The following SVOP variants were observed in gnomAD, a reference collection of about 807,000 sequenced individuals.
SVOP encodes the protein SV2 related protein, also known as synaptic vesicle 2-related protein.
A neutral mutation model predicts 69.1 loss-of-function variants in SVOP; 17 were observed. The ratio of observed to expected loss-of-function variants is 0.25; its 90% CI spans 0.17 to 0.37. The LOEUF (loss-of-function observed/expected upper bound fraction) is 0.37. SVOP is among the 10% of genes least tolerant of loss of function. SVOP has a pLI of 1.00. For missense variants in SVOP, 435 were observed against 597.5 expected (o/e 0.73, Z 2.84); for synonymous variants, 238 against 238.6 (o/e 1.00, Z 0.02).
chr12:108,912,850 TA>T, intron 15 of SVOP, 109 bp from the exon 16 acceptor site: 2 of 1,146,278 alleles, frequency 1.7e-6, no homozygotes, highest in Non-Finnish European at 1.2e-6. Flanking sequence ...ATCTGCTTGC[TA>T]AAAAGGATCT....
intron 1 of SVOP, among the ~76,000 whole-genome samples, chr12:109,010,031 G>C (rs2040331795): frequency 6.6e-6 from 1 of 151,022 alleles, no homozygotes; most frequent in South Asian, 2.1e-4. Context: ...GTTGAGGCGG[G>C]AGGATTGCTA....
In SVOP at chr12:108,986,455, C is replaced by T. The variant is rs138099067; in HGVS notation, c.36-2694G>A. 2.2e-3 allele frequency among the ~76,000 whole-genome samples: 337 copies of T among 152,280 alleles called. 1 individual carries two copies. The highest frequency in any genetic ancestry group is 7.7e-3 in the African/African-American group (321 of 41,552). Reference sequence around the variant, plus strand: ...GAGATATTTCAAGCATATAAAATTACATACATAACAATGAGAGAAATATCT... The same window carrying T: ...GAGATATTTCAAGCATATAAAATTATATACATAACAATGAGAGAAATATCT... On this transcript the variant is annotated intron_variant, in intron 1 of 15. Coordinates refer to ENST00000610966, the MANE Select transcript of SVOP (RefSeq NM_018711.5).
intron 11 of SVOP, among the ~76,000 whole-genome samples, chr12:108,930,569 G>A (rs1566049829): frequency 6.6e-6 from 1 of 151,828 alleles, no homozygotes; most frequent in Admixed American, 6.6e-5. Context: ...TGAGTAGCTG[G>A]GATTATAGGC....
chr12:108,963,457 T>C (rs74204112), intron 5 of SVOP, among the ~76,000 whole-genome samples: 85,057 of 152,066 alleles, frequency 0.56, 26,527 homozygotes, highest in East Asian at 0.72. Context: ...GAGGTGCCAG[T>C]CTGTCTTTAA....
intron 5 of SVOP, among the ~76,000 whole-genome samples, chr12:108,965,041 T>C: frequency 6.6e-6 from 1 of 152,214 alleles, no homozygotes. Flanking sequence ...CTGATATATA[T>C]TATTCATCCA....
rs78563087 is a variant in SVOP, at chr12:108,915,172, C to CA, written c.1440+610dup. Reference sequence around the variant, plus strand: ...TGGGTGACAAAGCGAGACTCCATCCCAAAAAAAAAAAAAAAAAATCAACTT... The same window carrying CA: ...TGGGTGACAAAGCGAGACTCCATCCCAAAAAAAAAAAAAAAAAAATCAACTT... On this transcript the variant is annotated intron_variant, in intron 15 of 15. Coordinates refer to ENST00000610966, the MANE Select transcript of SVOP (RefSeq NM_018711.5). Among the ~76,000 whole-genome samples the CA allele has an allele frequency of 3.6e-3, 412 of 113,902 alleles. 1 individual carries two copies. Among genetic ancestry groups the CA allele is most frequent in the African/African-American group, 7.9e-3 (218 of 27,588 alleles). 74.7% of individuals were successfully genotyped at this position (113,902 alleles called of 152,430 possible). A position where few individuals can be genotyped will look rare whatever the true frequency, so the allele number is the denominator to read the frequency against.
Position 108,918,095 on chromosome 12 carries a change from G to T in SVOP, c.1298C>A (p.Ala433Glu). 6.3e-7 allele frequency: 1 copy of T among 1,578,066 alleles called. No individual in the cohort carries two copies. The stretch of plus-strand genomic sequence containing the variant: ...AAAGCCTCCAGAAATAAACGCTCTT[G>T]CAATGAAGAGTAACAGAGTGAGCAC... ...RNVLTLLLFI[A>E]RAFISGGFQA... Residue 433 changes from alanine to glutamate, a missense_variant, in exon 14 of 16, where the codon GCA becomes GAA. Transcript: ENST00000610966.
chr12:108,989,861 A>G (rs558604099), intron 1 of SVOP, among the ~76,000 whole-genome samples: 1 of 152,384 alleles, frequency 6.6e-6, no homozygotes, highest in South Asian at 2.1e-4. Context: ...CTTGGATAAT[A>G]GCCCTCAAAC....
At chr12:108,938,699 G>A (rs1001408337) in intron 9 of SVOP, 128 bp downstream of exon 9, 8 of 1,469,032 alleles carry the variant, frequency 5.4e-6, no homozygotes, top group African/African-American at 1.4e-5. Flanking sequence ...CCATGTGCAC[G>A]CACACACCCC....
rs986865214 is a variant in SVOP at position 108,909,439 on chromosome 12, C to T, written c.*3096G>A. ...GCTGAGGAGGGAGAATCGCTTGAAC[C>T]TGGGAGACAGAGTTGCAGTGAGCTG... is the stretch of plus-strand genomic sequence containing the variant. On this transcript the variant is annotated 3_prime_UTR_variant, in exon 16 of 16. Coordinates refer to ENST00000610966, the MANE Select transcript of SVOP (RefSeq NM_018711.5). The T allele has an allele frequency of 2.7e-5, 4 of 149,850 alleles. No homozygotes were observed. The highest frequency in any genetic ancestry group is 1.0e-4 in the African/African-American group (4 of 39,948). 9.3% of individuals were successfully genotyped at this position (149,850 alleles called of 1,614,324 possible). A position where few individuals can be genotyped will look rare whatever the true frequency, so the allele number is the denominator to read the frequency against.
rs773775904 is a variant in SVOP at position 108,945,151 on chromosome 12, G to A, written c.594C>T (p.Ala198=). The A allele has an allele frequency of 5.1e-5, 79 of 1,536,916 alleles. No individual in the cohort carries two copies. Among genetic ancestry groups the A allele is most frequent in the Middle Eastern group, 1.7e-4 (1 of 6,010 alleles). Reference sequence around the variant, plus strand: ...CTCTGGCTTTCATGGGAAGGAACTCGGCATACAGCGTCACCCTGGGAATGT... The same window carrying A: ...CTCTGGCTTTCATGGGAAGGAACTCAGCATACAGCGTCACCCTGGGAATGT... ...GGVPQSVTLY[A]EFLPMKARAK... is the part of the protein sequence containing the mutation. The change falls in exon 7 of 16, where the codon GCC becomes GCT. Residue 198 remains alanine (A), a synonymous_variant. Coordinates refer to ENST00000610966, the MANE Select transcript of SVOP (RefSeq NM_018711.5).
At chr12:109,005,736 G>C (rs1268233224) in intron 1 of SVOP, among the ~76,000 whole-genome samples, 3 of 152,168 alleles carry the variant, frequency 2.0e-5, no homozygotes, top group African/African-American at 7.2e-5. Context: ...TGAGTGATCA[G>C]AAAAGACCTC....
chr12:108,931,464 A>G (rs7301431), intron 11 of SVOP, among the ~76,000 whole-genome samples: 87,913 of 152,090 alleles, frequency 0.58, 26,788 homozygotes, highest in East Asian at 0.78. Flanking sequence ...AATCACATGG[A>G]GAGCTTTTAA....
At chr12:108,931,243 AT>A (rs1362059213) in intron 11 of SVOP, among the ~76,000 whole-genome samples, 8 of 152,216 alleles carry the variant, frequency 5.3e-5, no homozygotes, top group Admixed American at 5.2e-4. Context: ...AACTATGATT[AT>A]AGAGGCCTAA....
In SVOP at chr12:109,021,006, G is replaced by A. The variant is rs1593213783; in HGVS notation, c.-138C>T. On this transcript the variant is annotated 5_prime_UTR_variant, in exon 1 of 16. Coordinates refer to ENST00000610966, the MANE Select transcript of SVOP (RefSeq NM_018711.5). ...CCCTGGAGCAGCAGCTGTTCGGGGA[G>A]GGAGCCGCTGGGGACCAGCCCACGA... 20 of 582,932 alleles carry A rather than the reference G, an allele frequency of 3.4e-5. No individual in the cohort carries two copies. The South Asian group carries it at 4.0e-4, about 12-fold the overall frequency. The allele number at this position is 582,932 out of a possible 1,614,324, so 36.1% of individuals were successfully genotyped here.
chr12:108,941,665 T>A (rs959300890), intron 7 of SVOP, among the ~76,000 whole-genome samples: 1 of 152,080 alleles, frequency 6.6e-6, no homozygotes, highest in Non-Finnish European at 1.5e-5. Context: ...TGCCCATTTT[T>A]TTTTTTCTTT....
At chr12:108,946,826 C>T (rs145248567) in intron 6 of SVOP, among the ~76,000 whole-genome samples, 2,434 of 152,000 alleles carry the variant, frequency 0.016, 29 homozygotes, top group Middle Eastern at 0.082. Flanking sequence ...TCAAGCAATT[C>T]TCCCACCTCA....
chr12:109,012,928 T>C (rs2040350088), intron 1 of SVOP, among the ~76,000 whole-genome samples: 1 of 152,116 alleles, frequency 6.6e-6, no homozygotes, highest in African/African-American at 2.4e-5. Context: ...AGAGCCTGTC[T>C]TAAAAAAGGA....
chr12:108,937,442 T>A, intron 9 of SVOP, 105 bp from the exon 10 acceptor site: 1 of 1,097,594 alleles, frequency 9.1e-7, no homozygotes. Flanking sequence ...GGAAGGTTTC[T>A]AGTAAGTAGG....
Sources: gnomAD v4.1 joint callset for allele counts (sites outside exome capture counted in the v4.1 genomes callset) on GRCh38, gnomAD v4.1.1 for gene constraint, MANE v1.5 for transcripts, NCBI Gene and HGNC (gene_info 2026-07-23, HGNC 2026-07-21) for gene names.